OR2L13: variants seen among roughly 807,000 people sequenced by gnomAD.
The protein encoded by OR2L13 is olfactory receptor family 2 subfamily L member 13.
A neutral mutation model predicts 15.3 loss-of-function variants in OR2L13; 14 were observed. The ratio of observed to expected loss-of-function variants is 0.91; its 90% confidence interval spans 0.60 to 1.43. The LOEUF (loss-of-function observed/expected upper bound fraction) is 1.43, where lower values mean the gene tolerates loss of function less well. Ranked by LOEUF, OR2L13 falls within the 40% of genes most tolerant of loss-of-function variation. The pLI is 0.00. For missense variants in OR2L13, 367 were observed against 387.9 expected (o/e 0.95, Z 0.45); for synonymous variants, 152 against 142.9 (o/e 1.06, Z -0.45).
chr1:247,964,430 A>G, the OR2L13 span, among the ~76,000 whole-genome samples: 582 of 152,290 alleles, frequency 3.8e-3, 4 homozygotes, highest in African/African-American at 0.013. Context: ...AAAATAACAC[A>G]TGACTTCCAA....
the OR2L13 span, among the ~76,000 whole-genome samples, chr1:247,961,235 C>G: frequency 6.6e-6 from 1 of 152,132 alleles, no homozygotes; most frequent in Non-Finnish European, 1.5e-5. Context: ...CCACACATCA[C>G]CAGGACACAG....
chr1:247,966,496 A>C, the OR2L13 span: 1 of 666,582 alleles, frequency 1.5e-6, no homozygotes, highest in Non-Finnish European at 2.4e-6. Flanking sequence ...TTCCCCTGGC[A>C]TTTTAATGCT....
In OR2L13 at chr1:248,100,246, C is replaced by A. The variant is rs145367241; in HGVS notation, c.871C>A (p.Leu291Met). ...CATGCTCAATCCCATTATCTACAGC[C>A]TGAGGAATAAGGAAGTCCTGGGGGC... Residue 291 changes from leucine to methionine, a missense_variant, in exon 3 of 3, where the codon CTG becomes ATG. Physicochemically the swap from Leu to Met is conservative, Grantham distance 15. Transcript: ENST00000641714. The A allele has an allele frequency of 3.3e-5, 53 of 1,613,390 alleles. No homozygotes were observed. The highest frequency in any genetic ancestry group is 1.2e-4 in the Admixed American group (7 of 59,984).
chr1:248,055,404 T>C, the OR2L13 span, among the ~76,000 whole-genome samples: 1 of 152,152 alleles, frequency 6.6e-6, no homozygotes, highest in South Asian at 2.1e-4. Flanking sequence ...AAGTTTTCTT[T>C]TTTTTTTGTT....
chr1:247,987,325 A>C, the OR2L13 span, among the ~76,000 whole-genome samples: 1 of 152,152 alleles, frequency 6.6e-6, no homozygotes, highest in African/African-American at 2.4e-5. Context: ...AATAGAAATT[A>C]TCCTGCTTCC....
the OR2L13 span, among the ~76,000 whole-genome samples, chr1:247,959,082 G>C: frequency 4.6e-5 from 7 of 152,106 alleles, no homozygotes; most frequent in Non-Finnish European, 8.8e-5. Context: ...GGCTGGTACC[G>C]GTTGTTCCTT....
chr1:247,964,934 C>T, the OR2L13 span, among the ~76,000 whole-genome samples: 4 of 148,316 alleles, frequency 2.7e-5, no homozygotes, highest in Non-Finnish European at 4.5e-5. Context: ...TTTATAGATA[C>T]GTGTATATAA....
At chr1:248,015,681 G>T in the OR2L13 span, among the ~76,000 whole-genome samples, 1 of 152,170 alleles carries the variant, frequency 6.6e-6, no homozygotes, top group African/African-American at 2.4e-5. Flanking sequence ...CTGGTAAAGT[G>T]TGGCTTGGAT....
the OR2L13 span, among the ~76,000 whole-genome samples, chr1:247,947,746 G>C: frequency 6.6e-6 from 1 of 152,080 alleles, no homozygotes; most frequent in African/African-American, 2.4e-5. Context: ...TCAAGAGTGT[G>C]GATTAATATG....
chr1:247,990,423 C>T, the OR2L13 span: 1 of 1,583,948 alleles, frequency 6.3e-7, no homozygotes, highest in Non-Finnish European at 8.7e-7. Context: ...CTTGGACATC[C>T]ATCTCCACAC....
the OR2L13 span, among the ~76,000 whole-genome samples, chr1:248,004,356 G>T: frequency 1.3e-5 from 2 of 152,140 alleles, no homozygotes; most frequent in African/African-American, 2.4e-5. Context: ...AATGAAATTT[G>T]TCTAACCAAA....
chr1:247,992,682 A>T, the OR2L13 span, among the ~76,000 whole-genome samples: 1 of 152,160 alleles, frequency 6.6e-6, no homozygotes. Flanking sequence ...AGCTCTATCC[A>T]TTATCACTTG....
the OR2L13 span, among the ~76,000 whole-genome samples, chr1:248,042,865 T>A: frequency 6.6e-6 from 1 of 152,240 alleles, no homozygotes; most frequent in Non-Finnish European, 1.5e-5. Context: ...TGAAATTTGA[T>A]ATTATCAGCT....
the OR2L13 span, chr1:247,990,731 C>G: frequency 3.8e-6 from 6 of 1,573,268 alleles, no homozygotes; most frequent in Non-Finnish European, 4.4e-6. Context: ...TCCATCAACT[C>G]TTGTGCTCAC....
chr1:248,099,877 T>C (rs1558224028), exon 3 of OR2L13: 3 of 1,614,176 alleles, frequency 1.9e-6, no homozygotes, highest in Non-Finnish European at 2.5e-6. Context: ...TATTCCCTAC[T>C]GCAGGTCTAG....
At chr1:248,070,412 GTTC>G in the OR2L13 span, among the ~76,000 whole-genome samples, 1 of 151,892 alleles carries the variant, frequency 6.6e-6, no homozygotes, top group Non-Finnish European at 1.5e-5. Flanking sequence ...AAATAAAGAT[GTTC>G]TTTGAAAACA....
chr1:248,083,661 T>C, the OR2L13 span: 31 of 1,543,562 alleles, frequency 2.0e-5, no homozygotes, highest in Admixed American at 1.0e-4. Flanking sequence ...CTCATTTTGC[T>C]GGTGTTTCAG....
chr1:248,095,573 G>C (rs1251044161), upstream of OR2L13, among the ~76,000 whole-genome samples: 2 of 124,796 alleles, frequency 1.6e-5, no homozygotes, highest in Admixed American at 9.0e-5. Flanking sequence ...TATATGGAAT[G>C]TTTGCAGATT....
At chr1:247,978,329 A>C in the OR2L13 span, among the ~76,000 whole-genome samples, 1 of 151,158 alleles carries the variant, frequency 6.6e-6, no homozygotes, top group African/African-American at 2.5e-5. Context: ...CTCAATGGGT[A>C]ATTGAACCCG....
Sources: gnomAD v4.1 joint callset for allele counts (sites outside exome capture counted in the v4.1 genomes callset) on GRCh38, gnomAD v4.1.1 for gene constraint, MANE v1.5 for transcripts, NCBI Gene and HGNC (gene_info 2026-07-23, HGNC 2026-07-21) for gene names.